The following CYP2C19 variants were observed in gnomAD, a reference collection of about 807,000 sequenced individuals.
CYP2C19 encodes the protein cytochrome P450 2C19.
Under a neutral mutation model 40.9 loss-of-function variants are expected in CYP2C19, and 59 were observed. The ratio of observed to expected loss-of-function variants is 1.44; its 90% CI spans 1.17 to 1.79. The LOEUF (loss-of-function observed/expected upper bound fraction) is 1.79, where lower values mean the gene tolerates loss of function less well. CYP2C19 is among the 40% of genes most tolerant of loss of function. The probability of loss-of-function intolerance (pLI) is 0.00; values close to 1 mark genes in which losing one functional copy is unlikely to be tolerated. For missense variants in CYP2C19, 754 were observed against 596.9 expected, an observed-to-expected ratio of 1.26 and a Z score of -2.74; for synonymous variants, 253 against 208.7, an observed-to-expected ratio of 1.21 and a Z score of -1.83.
chr10:94,772,974 G>A (rs180988016), intron 1 of CYP2C19, among the ~76,000 whole-genome samples: 12 of 152,170 alleles, frequency 7.9e-5, no homozygotes, highest in Admixed American at 3.3e-4. Context: ...GTAGAGACGG[G>A]GTTTCACCTT....
At chr10:94,833,467 T>C (rs1849360127) in intron 6 of CYP2C19, among the ~76,000 whole-genome samples, 1 of 152,270 alleles carries the variant, frequency 6.6e-6, no homozygotes, top group East Asian at 1.9e-4. Flanking sequence ...TTTTTTATTA[T>C]ACTTTAAGAT....
At chr10:94,815,856 G>C (rs1268566715) in intron 5 of CYP2C19, among the ~76,000 whole-genome samples, 1 of 152,142 alleles carries the variant, frequency 6.6e-6, no homozygotes, top group East Asian at 1.9e-4. Flanking sequence ...TAATGAATCT[G>C]CAGGCAATAT....
chr10:94,811,601 C>G (rs2757483), intron 5 of CYP2C19, among the ~76,000 whole-genome samples: 13,604 of 151,964 alleles, frequency 0.09, 780 homozygotes, highest in Middle Eastern at 0.14. Context: ...ATAGTTAGCT[C>G]TTCTCGTTGC....
At chr10:94,779,737 C>G (rs761489090) in intron 3 of CYP2C19, among the ~76,000 whole-genome samples, 2 of 151,572 alleles carry the variant, frequency 1.3e-5, no homozygotes, top group African/African-American at 2.4e-5. Context: ...ATTTTTGCAT[C>G]CTTAGCAGAG....
At chr10:94,849,174 C>T (rs1277602170) in intron 7 of CYP2C19, among the ~76,000 whole-genome samples, 1 of 151,932 alleles carries the variant, frequency 6.6e-6, no homozygotes, top group South Asian at 2.1e-4. Flanking sequence ...ATAGTCTACA[C>T]ATAAGATTTG....
chr10:94,780,685 A>T, intron 4 of CYP2C19, 26 bp downstream of exon 4: 2 of 1,612,756 alleles, frequency 1.2e-6, no homozygotes, highest in Non-Finnish European at 1.7e-6. Context: ...TTGCTTCCTG[A>T]GAAACCACTT....
In CYP2C19 at chr10:94,797,579, G is replaced by T. The variant is rs11528087; in HGVS notation, c.819+15582G>T. ...AGAAGGAGTGTACCATCTCCTCTTG[G>T]TACCTCTGGTAGAATTTAGCTGTGA... On this transcript the variant is annotated intron_variant, in intron 5 of 8. Coordinates refer to ENST00000371321, the MANE Select transcript of CYP2C19 (RefSeq NM_000769.4). 3.8e-3 allele frequency among the ~76,000 whole-genome samples: 574 copies of T among 152,074 alleles called. 34 individuals carry two copies. In the East Asian group the frequency reaches 0.1, roughly 26 times the overall value.
At position 94,799,502 on chromosome 10, in the gene CYP2C19, G is replaced by A. The variant is rs185803442; in HGVS notation, c.819+17505G>A. Among the ~76,000 whole-genome samples the A allele has an allele frequency of 1.6e-3, 237 of 152,252 alleles. 1 individual carries two copies. Among genetic ancestry groups the A allele is most frequent in the Non-Finnish European group, 2.7e-3 (187 of 68,018 alleles). Reference sequence around the variant, plus strand: ...GTCTTGGGGTTGCTCTTCTCGAGGAGTATCTTTGTGGCTTTCTCTGTGTTT... The same window carrying A: ...GTCTTGGGGTTGCTCTTCTCGAGGAATATCTTTGTGGCTTTCTCTGTGTTT... On this transcript the variant is annotated intron_variant, in intron 5 of 8. Transcript: ENST00000371321.
At chr10:94,776,173 CTA>C (rs1467438785) in intron 3 of CYP2C19, 1 of 152,106 alleles carries the variant, frequency 6.6e-6, no homozygotes, top group Admixed American at 6.5e-5. Context: ...TCTTGTTACT[CTA>C]TTGATTTTGA....
intron 5 of CYP2C19, among the ~76,000 whole-genome samples, chr10:94,787,725 C>G (rs1848560408): frequency 6.6e-6 from 1 of 152,040 alleles, no homozygotes; most frequent in Non-Finnish European, 1.5e-5. Flanking sequence ...AGCCAGTTAT[C>G]CTAGTTCAAT....
At chr10:94,775,590 T>C (rs745769509) in intron 3 of CYP2C19, 51 bp downstream of exon 3, 7 of 1,613,378 alleles carry the variant, frequency 4.3e-6, no homozygotes, top group African/African-American at 4.0e-5. Flanking sequence ...CTCTCCTCTC[T>C]ACTGACATTC....
At chr10:94,805,952 G>A (rs1482588761) in intron 5 of CYP2C19, among the ~76,000 whole-genome samples, 5 of 152,166 alleles carry the variant, frequency 3.3e-5, no homozygotes, top group Non-Finnish European at 7.3e-5. Context: ...TTTATCTGAA[G>A]TCAAAGGGAA....
At chr10:94,823,414 C>A (rs906071381) in intron 6 of CYP2C19, among the ~76,000 whole-genome samples, 3 of 152,168 alleles carry the variant, frequency 2.0e-5, no homozygotes, top group African/African-American at 7.2e-5. Context: ...TCCACACCTT[C>A]AATTCAGAGA....
intron 6 of CYP2C19, among the ~76,000 whole-genome samples, chr10:94,836,411 T>A (rs887559509): frequency 6.6e-6 from 1 of 152,224 alleles, no homozygotes; most frequent in African/African-American, 2.4e-5. Flanking sequence ...TTCTGTGTTA[T>A]ATAAAGAAAA....
intron 7 of CYP2C19, 144 bp downstream of exon 7, chr10:94,843,168 A>G: frequency 3.0e-6 from 3 of 984,736 alleles, no homozygotes; most frequent in Non-Finnish European, 4.7e-6. Context: ...TGTTGATTCC[A>G]GTTTGGGACT....
chr10:94,770,418 A>C (rs930448615), intron 1 of CYP2C19, among the ~76,000 whole-genome samples: 1 of 152,148 alleles, frequency 6.6e-6, no homozygotes, highest in Admixed American at 6.5e-5. Context: ...GTCCTCTCTG[A>C]ACCACCAAGC....
At position 94,780,629 on chromosome 10, in the gene CYP2C19, C is replaced by T. The variant is rs761292177; in HGVS notation, c.612C>T (p.Asn204=). ...ACTTGATGGAAAAATTGAATGAAAACATCAGGATTGTAAGCACCCCCTGGA... is the reference window on the plus strand; with the variant it reads ...ACTTGATGGAAAAATTGAATGAAAATATCAGGATTGTAAGCACCCCCTGGA... ...FLNLMEKLNE[N]IRIVSTPWIQ... The change falls in exon 4 of 9, where the codon AAC becomes AAT. Residue 204 remains asparagine (N), a synonymous_variant. Transcript: ENST00000371321. The T allele has an allele frequency of 8.7e-6, 14 of 1,613,564 alleles. No individual in the cohort carries two copies. The highest frequency in any genetic ancestry group is 1.7e-5 in the Admixed American group (1 of 59,942).
At chr10:94,845,485 G>A (rs1589377639) in intron 7 of CYP2C19, among the ~76,000 whole-genome samples, 1 of 152,120 alleles carries the variant, frequency 6.6e-6, no homozygotes, top group Admixed American at 6.6e-5. Context: ...AGACTTTCCT[G>A]TCCAGTAGAA....
chr10:94,822,429 A>C lies in CYP2C19; in HGVS notation c.961+1792A>C, dbSNP rs571039321. On this transcript the variant is annotated intron_variant, in intron 6 of 8. Transcript: ENST00000371321. ...AGATTTGAGTGGGGACACAGTCTAA[A>C]CATATCAGTGTATATTTACCACATT... Among the ~76,000 whole-genome samples the C allele has an allele frequency of 3.1e-3, 474 of 152,290 alleles. 3 individuals are homozygous for C. The highest frequency in any genetic ancestry group is 0.011 in the African/African-American group (451 of 41,562).
Sources: gnomAD v4.1 joint callset for allele counts (sites outside exome capture counted in the v4.1 genomes callset) on GRCh38, gnomAD v4.1.1 for gene constraint, MANE v1.5 for transcripts, NCBI Gene and HGNC (gene_info 2026-07-23, HGNC 2026-07-21) for gene names.